Variants in ZDHHC15 observed in about 807,000 individuals in gnomAD.
ZDHHC15 encodes zDHHC palmitoyltransferase 15, also known as palmitoyltransferase ZDHHC15.
Under a neutral mutation model 31.7 loss-of-function variants are expected in ZDHHC15, and 19 were observed. That is an observed-to-expected ratio of 0.60 (90% confidence interval 0.42 to 0.88). The LOEUF is 0.88. Among genes scored for constraint, ZDHHC15 ranks in the 40% least tolerant of loss-of-function variants. The probability of loss-of-function intolerance (pLI) is 0.00; values close to 1 mark genes in which losing one functional copy is unlikely to be tolerated. For synonymous variants in ZDHHC15, 103 were observed against 90.0 expected (o/e 1.14, Z -0.82); for missense variants, 209 against 251.2 (o/e 0.83, Z 1.14).
At chrX:75,486,416 G>C (rs1187606939) in intron 2 of ZDHHC15, among the ~76,000 whole-genome samples, 1 of 112,224 alleles carries the variant, frequency 8.9e-6, no homozygotes, top group Non-Finnish European at 1.9e-5. Context: ...GCTGAACTCT[G>C]TAATAATTTC....
intron 3 of ZDHHC15, among the ~76,000 whole-genome samples, chrX:75,456,954 C>A (rs763985016): frequency 1.8e-5 from 2 of 111,543 alleles, no homozygotes; most frequent in East Asian, 5.6e-4. Flanking sequence ...TTTCCTCATC[C>A]AAGAAATAGA....
chrX:75,384,097 A>C (rs983480276), intron 10 of ZDHHC15, among the ~76,000 whole-genome samples: 1 of 111,055 alleles, frequency 9.0e-6, no homozygotes, highest in African/African-American at 3.3e-5. Flanking sequence ...TACTTGGTCA[A>C]CCAGACAGCC....
At chrX:75,455,708 T>C (rs959005626) in intron 3 of ZDHHC15, among the ~76,000 whole-genome samples, 2 of 112,015 alleles carry the variant, frequency 1.8e-5, no homozygotes, top group Non-Finnish European at 3.8e-5. Flanking sequence ...GCAAAGGATA[T>C]GAACAGACAC....
chrX:75,519,586 C>G (rs112745528), intron 1 of ZDHHC15, among the ~76,000 whole-genome samples: 5,550 of 111,848 alleles, frequency 0.05, 154 homozygotes, highest in Admixed American at 0.099. Flanking sequence ...GGTTTCAGCT[C>G]TAATGTAACG....
chrX:75,456,088 G>T (rs778941222), intron 3 of ZDHHC15, among the ~76,000 whole-genome samples: 6 of 111,712 alleles, frequency 5.4e-5, no homozygotes, highest in Non-Finnish European at 1.1e-4. Context: ...CAATAGCAAA[G>T]ACTTGGAACC....
intron 10 of ZDHHC15, among the ~76,000 whole-genome samples, chrX:75,383,123 C>T (rs747398912): frequency 1.8e-5 from 2 of 111,838 alleles, no homozygotes; most frequent in East Asian, 5.6e-4. Context: ...AGAGTTTGGA[C>T]TTTTGAGCCA....
chrX:75,396,925 G>A (rs2083304582), intron 10 of ZDHHC15, among the ~76,000 whole-genome samples: 1 of 111,701 alleles, frequency 9.0e-6, no homozygotes, highest in Non-Finnish European at 1.9e-5. Flanking sequence ...TTATTTTGGG[G>A]AGCTAAAAAT....
intron 3 of ZDHHC15, among the ~76,000 whole-genome samples, chrX:75,451,615 G>A (rs1336899392): frequency 9.0e-6 from 1 of 110,960 alleles, no homozygotes; most frequent in Non-Finnish European, 1.9e-5. Context: ...AAGGATCTGT[G>A]GTCAGAATTT....
chrX:75,441,302 G>A (rs959635939), intron 4 of ZDHHC15, among the ~76,000 whole-genome samples: 4 of 111,910 alleles, frequency 3.6e-5, no homozygotes, highest in Non-Finnish European at 7.5e-5. Context: ...GAGAGCCCTA[G>A]TGAAAAGGAA....
At chrX:75,492,130 G>A (rs1338492416) in intron 2 of ZDHHC15, among the ~76,000 whole-genome samples, 2 of 110,960 alleles carry the variant, frequency 1.8e-5, no homozygotes, top group African/African-American at 6.6e-5. Context: ...AAAAAAGGCA[G>A]GGGTTGCAAT....
At chrX:75,432,945 C>T (rs968339850) in intron 4 of ZDHHC15, among the ~76,000 whole-genome samples, 29 of 111,139 alleles carry the variant, frequency 2.6e-4, no homozygotes, top group African/African-American at 9.5e-4. Flanking sequence ...GAATGAACCA[C>T]TGTACTCCAG....
rs1402921406 is a variant in ZDHHC15, at chrX:75,431,468, G to A, written c.432C>T (p.His144=). 8.3e-7 allele frequency: 1 copy of A among 1,207,592 alleles called. No individual in the cohort carries two copies. The highest frequency in any genetic ancestry group is 1.1e-6 in the Non-Finnish European group (1 of 894,433). The change falls in exon 5 of 12, where the codon CAC becomes CAT. Residue 144 remains histidine (H), a synonymous_variant. Coordinates refer to ENST00000373367, the MANE Select transcript of ZDHHC15 (RefSeq NM_144969.3). The part of the protein sequence containing the change: ...CHLIKPDRCH[H]CSVCAMCVLK... ...TCACTTACATAGCACAGACAGAGCA[G>A]TGGTGGCAGCGGTCTGGCTTGATCA...
chrX:75,400,201 C>A (rs762028560), intron 10 of ZDHHC15, among the ~76,000 whole-genome samples: 18 of 111,196 alleles, frequency 1.6e-4, no homozygotes, highest in African/African-American at 5.6e-4. Context: ...AGGAGGATGG[C>A]AAAACCCAAT....
intron 2 of ZDHHC15, among the ~76,000 whole-genome samples, chrX:75,484,115 T>C (rs1354885283): frequency 8.9e-6 from 1 of 112,219 alleles, no homozygotes; most frequent in African/African-American, 3.2e-5. Flanking sequence ...CTGCTGTACA[T>C]TATCCCTAAT....
At chrX:75,518,820 C>T (rs1165899971) in intron 1 of ZDHHC15, among the ~76,000 whole-genome samples, 4 of 90,118 alleles carry the variant, frequency 4.4e-5, no homozygotes, top group East Asian at 3.6e-4. Context: ...CACACACACA[C>T]ACACACACAC....
In ZDHHC15 at chrX:75,431,524, T is replaced by TA. The variant is rs751518520; in HGVS notation, c.380-5dup. On this transcript the variant is annotated splice_region_variant and splice_polypyrimidine_tract_variant and intron_variant, in intron 4 of 11. Coordinates refer to ENST00000373367, the MANE Select transcript of ZDHHC15 (RefSeq NM_144969.3). Reference sequence around the variant, plus strand: ...CACCGGTCACAGAATCGTACAGCTATAAAAAAAAAAATAAGGTGGTTAGCA... The same window carrying TA: ...CACCGGTCACAGAATCGTACAGCTATAAAAAAAAAAAATAAGGTGGTTAGCA... 0.011 allele frequency: 9,239 copies of TA among 810,708 alleles called. 1 individual carries two copies. Among genetic ancestry groups the TA allele is most frequent in the Admixed American group, 0.013 (421 of 33,061 alleles). 66.8% of individuals were successfully genotyped at this position (810,708 alleles called of 1,213,427 possible).
At chrX:75,431,391 G>A in intron 5 of ZDHHC15, 60 bp downstream of exon 5, 2 of 1,073,131 alleles carry the variant, frequency 1.9e-6, no homozygotes, top group Non-Finnish European at 1.3e-6. Context: ...CAGTCATTTT[G>A]TTGTCTAGGA....
chrX:75,385,999 C>T (rs2147767953), intron 10 of ZDHHC15, among the ~76,000 whole-genome samples: 1 of 112,128 alleles, frequency 8.9e-6, no homozygotes, highest in East Asian at 2.8e-4. Context: ...GGTCCAATCT[C>T]ATAACTTTAA....
At chrX:75,385,319 C>A (rs921669504) in intron 10 of ZDHHC15, among the ~76,000 whole-genome samples, 1 of 111,119 alleles carries the variant, frequency 9.0e-6, no homozygotes, top group East Asian at 2.8e-4. Flanking sequence ...CCAGGGATTA[C>A]AGCAATCTCT....
Sources: gnomAD v4.1 joint callset for allele counts (sites outside exome capture counted in the v4.1 genomes callset) on GRCh38, gnomAD v4.1.1 for gene constraint, MANE v1.5 for transcripts, NCBI Gene and HGNC (gene_info 2026-07-23, HGNC 2026-07-21) for gene names.